The following TM9SF3 variants were observed in gnomAD, a reference collection of about 807,000 sequenced individuals.
The protein encoded by TM9SF3 is transmembrane 9 superfamily member 3, also known as SM-11044-binding protein.
Under a neutral mutation model 78.6 loss-of-function variants are expected in TM9SF3, and 14 were observed. The ratio of observed to expected loss-of-function variants is 0.18; its 90% CI spans 0.12 to 0.28. The LOEUF is 0.28. TM9SF3 is among the 10% of genes least tolerant of loss of function. The pLI, the probability that TM9SF3 is intolerant of heterozygous loss-of-function variation, is 1.00. For synonymous variants in TM9SF3, 231 were observed against 241.7 expected (o/e 0.96, Z 0.41); for missense variants, 496 against 721.9 (o/e 0.69, Z 3.59).
At chr10:96,537,747 G>A (rs931136335) in intron 9 of TM9SF3, among the ~76,000 whole-genome samples, 2 of 152,112 alleles carry the variant, frequency 1.3e-5, no homozygotes, top group South Asian at 2.1e-4. Flanking sequence ...TAGGAGAATC[G>A]CTTGAACCCG....
In TM9SF3 at chr10:96,559,802, T is replaced by C. The variant is rs1848281888; in HGVS notation, c.583-66A>G. 8 of 919,758 alleles carry C rather than the reference T, an allele frequency of 8.7e-6. No individual in the cohort carries two copies. The South Asian group carries it at 1.4e-4, about 16-fold the overall frequency. 57.0% of individuals were successfully genotyped at this position (919,758 alleles called of 1,614,324 possible). A position where few individuals can be genotyped will look rare whatever the true frequency, so the allele number is the denominator to read the frequency against. The stretch of plus-strand genomic sequence containing the variant: ...CAAATTAATAATCTGATGACAAAAC[T>C]CTGAGCAAAATATAGATTTACACAC... On this transcript the variant is annotated intron_variant, in intron 4 of 14. Coordinates refer to ENST00000371142, the MANE Select transcript of TM9SF3 (RefSeq NM_020123.4).
chr10:96,551,437 G>A, intron 6 of TM9SF3, 26 bp from the exon 7 acceptor site: 1 of 1,442,150 alleles, frequency 6.9e-7, no homozygotes. Context: ...TATATAGAGA[G>A]AGAAAAGCAA....
intron 9 of TM9SF3, among the ~76,000 whole-genome samples, chr10:96,536,535 G>C (rs1487159631): frequency 6.6e-6 from 1 of 151,948 alleles, no homozygotes; most frequent in Non-Finnish European, 1.5e-5. Context: ...AATTTGGCAG[G>C]GTTGTAGGAT....
chr10:96,531,487 A>T (rs1847893293), intron 10 of TM9SF3, among the ~76,000 whole-genome samples: 1 of 152,214 alleles, frequency 6.6e-6, no homozygotes, highest in Non-Finnish European at 1.5e-5. Flanking sequence ...CACAAAAAAG[A>T]TCCTAAACTA....
chr10:96,581,377 T>A (rs1848567319), intron 1 of TM9SF3, among the ~76,000 whole-genome samples: 1 of 152,228 alleles, frequency 6.6e-6, no homozygotes, highest in Non-Finnish European at 1.5e-5. Context: ...CCAAATGCTA[T>A]CCTTCATTTT....
chr10:96,550,679 A>T (rs1589453629), intron 7 of TM9SF3, among the ~76,000 whole-genome samples: 2 of 152,290 alleles, frequency 1.3e-5, no homozygotes, highest in South Asian at 4.1e-4. Context: ...TTTCTTACAA[A>T]TGGTTTTGTT....
intron 5 of TM9SF3, among the ~76,000 whole-genome samples, chr10:96,556,818 T>C (rs1047901268): frequency 3.3e-5 from 5 of 152,310 alleles, no homozygotes; most frequent in African/African-American, 1.2e-4. Flanking sequence ...AGGTTCTGAA[T>C]GCCCCACCAT....
Position 96,543,283 on chromosome 10 carries a change from T to C in TM9SF3, c.1185+793A>G, listed in dbSNP as rs774098211. Among the ~76,000 whole-genome samples, 184 of 152,046 alleles carry C rather than the reference T, an allele frequency of 1.2e-3. 6 individuals carry two copies. The highest frequency in any genetic ancestry group is 2.9e-4 in the Non-Finnish European group (20 of 68,004). ...CAAGACTGTGATTACAGGTAAGATA[T>C]GCAAACACATTTTAACATCTATAGC... On this transcript the variant is annotated intron_variant, in intron 9 of 14. Coordinates refer to ENST00000371142, the MANE Select transcript of TM9SF3 (RefSeq NM_020123.4).
chr10:96,562,263 C>A, intron 3 of TM9SF3, 125 bp from the exon 4 acceptor site: 1 of 715,346 alleles, frequency 1.4e-6, no homozygotes, highest in South Asian at 1.8e-5. Flanking sequence ...CCTCCCTGGC[C>A]ACTCTTGACT....
At chr10:96,563,338 T>C (rs10882821) in intron 3 of TM9SF3, among the ~76,000 whole-genome samples, 31,355 of 152,144 alleles carry the variant, frequency 0.21, 3,599 homozygotes, top group Admixed American at 0.31. Flanking sequence ...ATTACAGGCG[T>C]GAGCCACCAC....
In TM9SF3 at chr10:96,544,206, C is replaced by A; in HGVS notation, c.1055G>T (p.Gly352Val). 6.4e-7 allele frequency: 1 copy of A among 1,565,244 alleles called. No homozygotes were observed. Among genetic ancestry groups the A allele is most frequent in the Admixed American group, 2.0e-5 (1 of 49,194 alleles). The change falls in exon 9 of 15, where the codon GGA becomes GTA. Residue 352 changes from glycine (G) to valine (V), a missense_variant and splice_region_variant. Transcript: ENST00000371142. ...AAACATCTGCTTTATCCATCTCCTT[C>A]CTGAAAAGAAAGGAAACTATGAAAG... ...FGGSLYARQG[G>V]RRWIKQMFIG...
intron 9 of TM9SF3, among the ~76,000 whole-genome samples, chr10:96,543,344 C>CTTTTTTTTTTTTTTTTTTTTTT (rs398014526): frequency 5.1e-5 from 7 of 136,884 alleles, no homozygotes; most frequent in African/African-American, 5.5e-5. Context: ...TAGTGAGATT[C>CTTTTTTTTTTTTTTTTTTTTTT]TTTTTTTTGA....
At chr10:96,545,217 G>C (rs983998383) in intron 8 of TM9SF3, among the ~76,000 whole-genome samples, 93 of 152,272 alleles carry the variant, frequency 6.1e-4, no homozygotes, top group African/African-American at 2.0e-3. Flanking sequence ...AAACAGCTTA[G>C]AAACACTGAA....
Position 96,519,295 on chromosome 10 carries a change from C to T in TM9SF3, c.*2968G>A, listed in dbSNP as rs1276232622. ...AACCAACTTTATAAAGAGGTCCATC[C>T]ACTCTCAATGGAAAACACCCAAGCA... On this transcript the variant is annotated 3_prime_UTR_variant, in exon 15 of 15. Coordinates refer to ENST00000371142, the MANE Select transcript of TM9SF3 (RefSeq NM_020123.4). 7.2e-5 allele frequency: 11 copies of T among 151,906 alleles called. No homozygotes were observed. Among genetic ancestry groups the T allele is most frequent in the Admixed American group, 5.3e-4 (8 of 15,234 alleles). 9.4% of individuals were successfully genotyped at this position (151,906 alleles called of 1,614,324 possible).
intron 9 of TM9SF3, among the ~76,000 whole-genome samples, chr10:96,541,199 T>G (rs143520962): frequency 3.9e-3 from 227 of 58,852 alleles, no homozygotes; most frequent in Admixed American, 7.3e-3. Context: ...GATCTGAGAT[T>G]TACAGCCCAC....
chr10:96,522,850 T>G (rs930222879), intron 14 of TM9SF3, among the ~76,000 whole-genome samples: 1 of 151,784 alleles, frequency 6.6e-6, no homozygotes, highest in African/African-American at 2.4e-5. Context: ...TATTTTTAAG[T>G]TGTAGAAGCT....
intron 9 of TM9SF3, among the ~76,000 whole-genome samples, chr10:96,536,639 T>A (rs943947668): frequency 6.6e-6 from 1 of 152,180 alleles, no homozygotes; most frequent in Non-Finnish European, 1.5e-5. Context: ...AAGTGGATTT[T>A]CTTCTGCCTC....
chr10:96,574,695 T>C (rs1373981695), intron 2 of TM9SF3, among the ~76,000 whole-genome samples: 1 of 152,112 alleles, frequency 6.6e-6, no homozygotes, highest in African/African-American at 2.4e-5. Context: ...AATGATAGAA[T>C]GGATAAAGAA....
intron 5 of TM9SF3, 33 bp downstream of exon 5, chr10:96,559,626 T>A: frequency 6.8e-7 from 1 of 1,468,758 alleles, no homozygotes. Context: ...TTGGTGCACA[T>A]AATCAATGTC....
Sources: allele counts gnomAD v4.1 joint callset (sites outside exome capture counted in the v4.1 genomes callset), GRCh38; gene constraint gnomAD v4.1.1; transcripts MANE v1.5; gene names NCBI Gene and HGNC (gene_info 2026-07-23, HGNC 2026-07-21).